S100A5: variants seen among roughly 807,000 people sequenced by gnomAD.
The protein encoded by S100A5 is protein S100-A5.
A neutral mutation model predicts 6.7 loss-of-function variants in S100A5; 5 were observed. The observed-to-expected ratio is 0.75, with a 90% confidence interval of 0.39 to 1.57. S100A5 has a LOEUF of 1.57. S100A5 is among the 40% of genes most tolerant of loss of function. The pLI, the probability that S100A5 is intolerant of heterozygous loss-of-function variation, is 0.03. For synonymous variants in S100A5, 49 were observed against 44.9 expected (o/e 1.09, Z -0.37); for missense variants, 129 against 110.8 (o/e 1.16, Z -0.74).
upstream of S100A5, chr1:153,543,605 T>C: frequency 1.2e-6 from 1 of 811,738 alleles, no homozygotes; most frequent in South Asian, 1.7e-5. Flanking sequence ...CCAGAGTCTC[T>C]CAAACCATCA....
chr1:153,543,344 T>G (rs730347), upstream of S100A5: 15,602 of 965,156 alleles, frequency 0.016, 1,865 homozygotes, highest in African/African-American at 0.25. Context: ...TGGAGAGAGG[T>G]GGGAGGGGTA....
At chr1:153,541,356 G>T (rs1230434008), upstream of S100A5, 1 of 1,361,612 alleles carries the variant, frequency 7.3e-7, no homozygotes, top group South Asian at 1.1e-5. Flanking sequence ...GATATCAGAT[G>T]AACAGAGACA....
intron 2 of S100A5, among the ~76,000 whole-genome samples, chr1:153,539,473 A>ATATATT (rs1421762845): frequency 9.6e-4 from 110 of 115,102 alleles, no homozygotes; most frequent in African/African-American, 2.6e-3. Flanking sequence ...ATATATATAT[A>ATATATT]TATTTATTTA....
At chr1:153,543,233 G>A (rs931148911), upstream of S100A5, 16 of 985,210 alleles carry the variant, frequency 1.6e-5, no homozygotes, top group Admixed American at 6.2e-5. Context: ...TTTTCCCTCC[G>A]ACTTACTCCC....
At chr1:153,541,700 G>A, upstream of S100A5, 1 of 1,146,890 alleles carries the variant, frequency 8.7e-7, no homozygotes, top group Non-Finnish European at 1.1e-6. Flanking sequence ...TCTGAAATCT[G>A]ATGGAACAAT....
At chr1:153,539,969 G>A in intron 2 of S100A5, 85 bp downstream of exon 2, 1 of 1,537,438 alleles carries the variant, frequency 6.5e-7, no homozygotes, top group Non-Finnish European at 8.9e-7. Context: ...CCCTGGCTTA[G>A]GCTGGAGGAT....
At chr1:153,540,980 G>A (rs984173209), upstream of S100A5, among the ~76,000 whole-genome samples, 3 of 152,186 alleles carry the variant, frequency 2.0e-5, no homozygotes, top group African/African-American at 7.2e-5. Flanking sequence ...CCCTCAGGGA[G>A]GAAGGAGGCA....
upstream of S100A5, chr1:153,543,216 CT>C: frequency 1.0e-6 from 1 of 985,376 alleles, no homozygotes; most frequent in Non-Finnish European, 1.2e-6. Flanking sequence ...GCAACTCAGC[CT>C]TATTCTTTTC....
chr1:153,541,375 A>G (rs1665382270), upstream of S100A5: 4 of 1,367,134 alleles, frequency 2.9e-6, no homozygotes, highest in East Asian at 4.5e-5. Flanking sequence ...CATAGGAAGG[A>G]AGGACTTACC....
At chr1:153,539,414 G>A (rs59146818) in intron 2 of S100A5, among the ~76,000 whole-genome samples, 2,108 of 100,140 alleles carry the variant, frequency 0.021, 79 homozygotes, top group African/African-American at 0.08. Context: ...GTGACAGAGC[G>A]AGACTCTCTC....
chr1:153,543,234 A>T (rs1048744681), upstream of S100A5: 6 of 985,092 alleles, frequency 6.1e-6, no homozygotes, highest in Admixed American at 3.7e-4. Flanking sequence ...TTTCCCTCCG[A>T]CTTACTCCCA....
upstream of S100A5, among the ~76,000 whole-genome samples, chr1:153,542,415 GGAGGGCGCTCCCAGGGAGGGTGGATGGA>G (rs1183026287): frequency 6.6e-6 from 1 of 152,186 alleles, no homozygotes; most frequent in Non-Finnish European, 1.5e-5. Flanking sequence ...GAGGCCCCAG[GGAGGGCGCTCCCAGGGAGGGTGGATGGA>G]GAGGGCAGCG....
At chr1:153,539,473 ATATTTATT>A (rs768022289) in intron 2 of S100A5, among the ~76,000 whole-genome samples, 10 of 115,150 alleles carry the variant, frequency 8.7e-5, no homozygotes, top group African/African-American at 4.4e-4. Flanking sequence ...ATATATATAT[ATATTTATT>A]TATTTATTTA....
At chr1:153,541,639 G>T, upstream of S100A5, 4 of 1,163,788 alleles carry the variant, frequency 3.4e-6, no homozygotes, top group Non-Finnish European at 4.3e-6. Context: ...TAGCACACAC[G>T]TCCCCAATCC....
chr1:153,539,970 G>A (rs1665331040), intron 2 of S100A5, 84 bp downstream of exon 2: 1 of 1,537,334 alleles, frequency 6.5e-7, no homozygotes, highest in South Asian at 1.2e-5. Context: ...CCTGGCTTAG[G>A]CTGGAGGATC....
intron 2 of S100A5, among the ~76,000 whole-genome samples, chr1:153,539,450 A>AAAAAAAAAATAT (rs1553214691): frequency 3.2e-5 from 1 of 31,190 alleles, no homozygotes; most frequent in African/African-American, 1.1e-4. Context: ...AAAAAAAAAA[A>AAAAAAAAAATAT]ATATATATAT....
rs775943663 is a variant in S100A5, at chr1:153,537,300, T to C, written c.275A>G (p.Lys92Arg). Residue 92 changes from lysine to arginine, a missense_variant, in exon 3 of 3, where the codon AAG (lysine) becomes AGG (arginine). By Grantham distance (26) the Lys-to-Arg change is conservative. Coordinates refer to ENST00000368717, the MANE Select transcript of S100A5 (RefSeq NM_001394232.1). The stretch of plus-strand genomic sequence containing the variant: ...GAGGGTGGAGGGCAGCCCTGGTCAC[T>C]TGTTGTCCTCTAGAAAGAAGTCGTT... ...AYNDFFLEDN[K>R] The C allele has an allele frequency of 1.2e-6, 2 of 1,613,306 alleles. No individual in the cohort carries two copies. The highest frequency in any genetic ancestry group is 1.7e-6 in the Non-Finnish European group (2 of 1,179,376).
upstream of S100A5, chr1:153,541,568 C>A: frequency 8.0e-7 from 1 of 1,244,994 alleles, no homozygotes; most frequent in South Asian, 1.4e-5. Context: ...GGGAGAAACC[C>A]CTTCTGCCAA....
chr1:153,538,544 C>T (rs574337231), intron 2 of S100A5, among the ~76,000 whole-genome samples: 20 of 151,188 alleles, frequency 1.3e-4, no homozygotes, highest in Non-Finnish European at 2.9e-4. Context: ...CCTCCCTCTG[C>T]CCTCATTAAC....
Sources: allele counts gnomAD v4.1 joint callset (sites outside exome capture counted in the v4.1 genomes callset), GRCh38; gene constraint gnomAD v4.1.1; transcripts MANE v1.5; gene names NCBI Gene and HGNC (gene_info 2026-07-23, HGNC 2026-07-21).